The following PPP1R42 variants were observed in gnomAD, a reference collection of about 807,000 sequenced individuals.
The protein encoded by PPP1R42 is protein phosphatase 1 regulatory subunit 42, also known as leucine rich repeat containing 67.
PPP1R42 carries 34 observed loss-of-function variants against 31.0 expected under a neutral mutation model. The ratio of observed to expected loss-of-function variants is 1.10; its 90% confidence interval spans 0.83 to 1.46. The LOEUF (loss-of-function observed/expected upper bound fraction) is 1.46. PPP1R42 is among the 40% of genes most tolerant of loss of function. The pLI is 0.00. For synonymous variants in PPP1R42, 103 were observed against 109.8 expected, an observed-to-expected ratio of 0.94 and a Z score of 0.39; for missense variants, 268 against 303.0, an observed-to-expected ratio of 0.88 and a Z score of 0.86.
chr8:67,019,278 G>A (rs1398296488), intron 1 of PPP1R42, among the ~76,000 whole-genome samples: 1 of 118,774 alleles, frequency 8.4e-6, no homozygotes, highest in Non-Finnish European at 1.6e-5. Flanking sequence ...GTCTCGCTCT[G>A]TCACCCAGGC....
intron 5 of PPP1R42, among the ~76,000 whole-genome samples, chr8:67,002,482 AGCCACTGTGCCTG>A (rs1221192997): frequency 1.3e-5 from 2 of 152,208 alleles, no homozygotes; most frequent in Non-Finnish European, 2.9e-5. Flanking sequence ...TACAGGCATG[AGCCACTGTGCCTG>A]GCTTTTAAGA....
At chr8:67,023,546 G>T (rs1384601314) in intron 1 of PPP1R42, among the ~76,000 whole-genome samples, 27 of 152,186 alleles carry the variant, frequency 1.8e-4, no homozygotes, top group Admixed American at 1.8e-3. Context: ...TTTATATCCA[G>T]CAACACTGGT....
intron 5 of PPP1R42, among the ~76,000 whole-genome samples, chr8:66,994,643 C>A (rs1050574732): frequency 1.3e-5 from 2 of 152,054 alleles, no homozygotes; most frequent in African/African-American, 4.8e-5. Flanking sequence ...ACACAAATTG[C>A]TAAGATGCTT....
chr8:67,012,456 A>C (rs944124881), intron 4 of PPP1R42, among the ~76,000 whole-genome samples: 2 of 152,134 alleles, frequency 1.3e-5, no homozygotes, highest in African/African-American at 4.8e-5. Flanking sequence ...CCCCAACCCC[A>C]GGGCTCCCAG....
chr8:66,984,106 G>A (rs900425805), intron 6 of PPP1R42: 42 of 1,568,938 alleles, frequency 2.7e-5, no homozygotes, highest in Non-Finnish European at 3.4e-5. Flanking sequence ...AAAGGCAAGA[G>A]GGGAGAGGCA....
chr8:66,972,216 G>T (rs1464771095), intron 7 of PPP1R42, among the ~76,000 whole-genome samples: 1 of 152,174 alleles, frequency 6.6e-6, no homozygotes, highest in East Asian at 1.9e-4. Flanking sequence ...TTTTAAGCCT[G>T]AGAGTTCCAG....
intron 1 of PPP1R42, among the ~76,000 whole-genome samples, chr8:67,018,613 A>C: frequency 6.6e-6 from 1 of 151,180 alleles, no homozygotes; most frequent in Non-Finnish European, 1.5e-5. Flanking sequence ...CCTGGGTTCA[A>C]ACAATTCTCC....
intron 5 of PPP1R42, among the ~76,000 whole-genome samples, chr8:67,000,285 A>G (rs1180933897): frequency 1.3e-5 from 2 of 151,816 alleles, no homozygotes; most frequent in Non-Finnish European, 2.9e-5. Flanking sequence ...TTGTCATTTT[A>G]TAATTTTTTT....
chr8:67,006,878 C>T (rs1815700945), intron 5 of PPP1R42, among the ~76,000 whole-genome samples: 1 of 151,414 alleles, frequency 6.6e-6, no homozygotes, highest in Non-Finnish European at 1.5e-5. Context: ...TCCCGAGTAG[C>T]TGGGACTACA....
chr8:66,990,083 C>G (rs1815144287), intron 5 of PPP1R42, among the ~76,000 whole-genome samples: 1 of 152,132 alleles, frequency 6.6e-6, no homozygotes. Flanking sequence ...ATAACTTCAG[C>G]CTTCAGTTCT....
intron 1 of PPP1R42, among the ~76,000 whole-genome samples, chr8:67,025,012 A>C (rs894020282): frequency 6.8e-6 from 1 of 147,980 alleles, no homozygotes; most frequent in Non-Finnish European, 1.5e-5. Context: ...ATTATAGCTC[A>C]CTGCAATGTC....
rs552077214 is a variant in PPP1R42, at chr8:66,978,610, G to T, written c.802+3439C>A. On this transcript the variant is annotated intron_variant, in intron 7 of 7. Coordinates refer to ENST00000685739, the MANE Select transcript of PPP1R42 (RefSeq NM_001364910.1). ...CTTTTGTATTGTCAGTAGAGACAGGGTTTCACCATGTTGGCCAGGCCGTTC... is the reference window on the plus strand; with the variant it reads ...CTTTTGTATTGTCAGTAGAGACAGGTTTTCACCATGTTGGCCAGGCCGTTC... 8.9e-4 allele frequency among the ~76,000 whole-genome samples: 136 copies of T among 152,240 alleles called. 3 individuals carry two copies. The South Asian group carries it at 8.9e-3, about 10-fold the overall frequency.
intron 7 of PPP1R42, among the ~76,000 whole-genome samples, chr8:66,975,373 C>T (rs531287201): frequency 2.0e-4 from 30 of 152,224 alleles, no homozygotes; most frequent in African/African-American, 5.1e-4. Flanking sequence ...TTGGGCGGGG[C>T]GCAGTGGCTC....
chr8:66,985,880 A>C, intron 6 of PPP1R42: 2 of 1,075,856 alleles, frequency 1.9e-6, no homozygotes, highest in South Asian at 2.9e-5. Flanking sequence ...CACCTTCTCA[A>C]AATGGGGTAT....
intron 7 of PPP1R42, among the ~76,000 whole-genome samples, chr8:66,980,920 G>A (rs1171168270): frequency 6.6e-6 from 1 of 151,598 alleles, no homozygotes; most frequent in Non-Finnish European, 1.5e-5. Flanking sequence ...TCAGCTCACT[G>A]CAACCTCCAC....
chr8:66,970,899 C>T (rs1814521231), intron 7 of PPP1R42: 1 of 991,020 alleles, frequency 1.0e-6, no homozygotes, highest in African/African-American at 1.6e-5. Flanking sequence ...GATTGGATGG[C>T]CTCTGTTCCT....
intron 7 of PPP1R42, chr8:66,971,090 C>T: frequency 2.6e-6 from 4 of 1,534,198 alleles, no homozygotes; most frequent in Non-Finnish European, 3.5e-6. Context: ...TTTGGCTTAC[C>T]CACCTGTGGG....
At chr8:66,990,359 C>T (rs1335669427) in intron 5 of PPP1R42, among the ~76,000 whole-genome samples, 1 of 152,148 alleles carries the variant, frequency 6.6e-6, no homozygotes, top group African/African-American at 2.4e-5. Context: ...AAATGACCTT[C>T]GACATACTCC....
At chr8:66,988,680 C>A (rs932412912) in intron 5 of PPP1R42, among the ~76,000 whole-genome samples, 163 bp from the exon 6 acceptor site, 2 of 152,080 alleles carry the variant, frequency 1.3e-5, no homozygotes, top group African/African-American at 4.8e-5. Flanking sequence ...ATAAAACAAT[C>A]TATACTGATA....
Sources: allele counts gnomAD v4.1 joint callset (sites outside exome capture counted in the v4.1 genomes callset), GRCh38; gene constraint gnomAD v4.1.1; transcripts MANE v1.5; gene names NCBI Gene and HGNC (gene_info 2026-07-23, HGNC 2026-07-21).